The following TCF7L1 variants were observed in gnomAD, a reference collection of about 807,000 sequenced individuals.
TCF7L1 encodes the protein transcription factor 7 like 1.
TCF7L1 carries 18 observed loss-of-function variants against 63.7 expected under a neutral mutation model. That is an observed-to-expected ratio of 0.28 (90% CI 0.20 to 0.42). The LOEUF is 0.42. Ranked by LOEUF, TCF7L1 falls within the 10% of genes least tolerant of loss-of-function variation. TCF7L1 has a pLI of 1.00. For missense variants in TCF7L1, 654 were observed against 779.3 expected (o/e 0.84, Z 1.91); for synonymous variants, 355 against 340.9 (o/e 1.04, Z -0.46).
At chr2:85,227,276 T>G (rs1679980077) in intron 3 of TCF7L1, among the ~76,000 whole-genome samples, 1 of 152,188 alleles carries the variant, frequency 6.6e-6, no homozygotes, top group African/African-American at 2.4e-5. Context: ...AAACCCCCTC[T>G]GAACTCAACT....
At chr2:85,204,333 C>T (rs1188538771) in intron 3 of TCF7L1, among the ~76,000 whole-genome samples, 3 of 113,412 alleles carry the variant, frequency 2.6e-5, no homozygotes, top group African/African-American at 6.8e-5. Context: ...AGAGACCTTT[C>T]GATGTCAGTA....
chr2:85,135,602 T>G (rs1223707631), intron 3 of TCF7L1, among the ~76,000 whole-genome samples: 1 of 151,660 alleles, frequency 6.6e-6, no homozygotes, highest in Non-Finnish European at 1.5e-5. Context: ...GAATGGCCAT[T>G]CCTGCTGTCA....
At chr2:85,255,779 C>T (rs553262307) in intron 3 of TCF7L1, among the ~76,000 whole-genome samples, 33 of 152,250 alleles carry the variant, frequency 2.2e-4, no homozygotes, top group East Asian at 1.4e-3. Context: ...TCTGGTCCCA[C>T]GTGGGGCAGG....
intron 3 of TCF7L1, among the ~76,000 whole-genome samples, chr2:85,142,418 CA>C (rs1172990877): frequency 6.8e-5 from 6 of 88,014 alleles, no homozygotes; most frequent in African/African-American, 1.6e-4. Context: ...ACCCTGTTTC[CA>C]AAAAAAAAAA....
At chr2:85,246,015 C>T (rs1470769879) in intron 3 of TCF7L1, among the ~76,000 whole-genome samples, 2 of 152,134 alleles carry the variant, frequency 1.3e-5, no homozygotes, top group Non-Finnish European at 2.9e-5. Context: ...AGGTGTCCCC[C>T]ATGAATGTGG....
At chr2:85,147,192 A>C (rs2248068) in intron 3 of TCF7L1, among the ~76,000 whole-genome samples, 84,675 of 151,998 alleles carry the variant, frequency 0.56, 24,034 homozygotes, top group East Asian at 0.85. Context: ...CTGTAGTCTC[A>C]CATCTGGAAA....
At chr2:85,222,364 C>CAA (rs1217020917) in intron 3 of TCF7L1, among the ~76,000 whole-genome samples, 68 of 105,984 alleles carry the variant, frequency 6.4e-4, no homozygotes, top group African/African-American at 2.0e-3. Flanking sequence ...AACAAACAAA[C>CAA]AAAAAAAAAA....
chr2:85,157,430 G>A (rs938018766), intron 3 of TCF7L1, among the ~76,000 whole-genome samples: 48 of 152,310 alleles, frequency 3.2e-4, no homozygotes, highest in African/African-American at 1.1e-3. Context: ...TTACTCAAGA[G>A]GAAATCAAGG....
At chr2:85,308,267 G>T (rs190366035) in intron 11 of TCF7L1, among the ~76,000 whole-genome samples, 1 of 149,928 alleles carries the variant, frequency 6.7e-6, no homozygotes, top group Non-Finnish European at 1.5e-5. Flanking sequence ...TTTAGGTCAC[G>T]CCCCCCATCT....
chr2:85,301,603 T>A (rs938912168), intron 4 of TCF7L1, among the ~76,000 whole-genome samples: 1 of 152,218 alleles, frequency 6.6e-6, no homozygotes, highest in South Asian at 2.1e-4. Flanking sequence ...ATAATGGTGC[T>A]CCTTCCATTT....
intron 3 of TCF7L1, among the ~76,000 whole-genome samples, chr2:85,270,523 A>G (rs982083648): frequency 5.9e-5 from 9 of 152,176 alleles, no homozygotes; most frequent in Admixed American, 5.9e-4. Flanking sequence ...GTCAGTTTTA[A>G]TCAACTGTTA....
intron 3 of TCF7L1, among the ~76,000 whole-genome samples, chr2:85,138,111 CTG>C (rs1327848338): frequency 2.0e-5 from 3 of 152,102 alleles, no homozygotes; most frequent in Admixed American, 6.6e-5. Context: ...CTGAGGGAGT[CTG>C]TGGTTTTTGT....
Position 85,223,486 on chromosome 2 carries a change from G to A in TCF7L1, c.442-60009G>A, listed in dbSNP as rs146840206. ...CCACAGCCAAGGGGGGTTAGAGGGAGGGGCCGGCAAGGGTAGGGAATAAGG... is the reference window on the plus strand; with the variant it reads ...CCACAGCCAAGGGGGGTTAGAGGGAAGGGCCGGCAAGGGTAGGGAATAAGG... On this transcript the variant is annotated intron_variant, in intron 3 of 11. Transcript: ENST00000282111. Among the ~76,000 whole-genome samples, 678 of 152,314 alleles carry A rather than the reference G, an allele frequency of 4.5e-3. 4 individuals carry two copies. Among genetic ancestry groups the A allele is most frequent in the African/African-American group, 0.015 (606 of 41,570 alleles).
chr2:85,227,257 T>G (rs1572999937), intron 3 of TCF7L1, among the ~76,000 whole-genome samples: 1 of 152,300 alleles, frequency 6.6e-6, no homozygotes, highest in African/African-American at 2.4e-5. Context: ...CTGCTCTGCT[T>G]ACACTGTCAA....
chr2:85,298,291 G>A (rs1171382005), intron 4 of TCF7L1, among the ~76,000 whole-genome samples: 1 of 151,328 alleles, frequency 6.6e-6, no homozygotes. Flanking sequence ...GAGAGATCGA[G>A]ACCATCCTGG....
chr2:85,216,425 G>A (rs1458060289), intron 3 of TCF7L1, among the ~76,000 whole-genome samples: 1 of 152,168 alleles, frequency 6.6e-6, no homozygotes. Flanking sequence ...GCCCTGCTGT[G>A]CTTGGAGTTT....
chr2:85,179,552 A>G (rs1336886788), intron 3 of TCF7L1, among the ~76,000 whole-genome samples: 1 of 152,144 alleles, frequency 6.6e-6, no homozygotes, highest in Non-Finnish European at 1.5e-5. Flanking sequence ...AATCCACTAC[A>G]TGTGGTAGAG....
intron 3 of TCF7L1, chr2:85,262,357 A>T (rs1053919299): frequency 6.6e-6 from 3 of 454,672 alleles, no homozygotes; most frequent in Non-Finnish European, 8.8e-6. Flanking sequence ...TGCCTCTGAG[A>T]GCAACTTCCA....
At chr2:85,150,820 A>G (rs1296402678) in intron 3 of TCF7L1, among the ~76,000 whole-genome samples, 4 of 152,188 alleles carry the variant, frequency 2.6e-5, no homozygotes, top group Admixed American at 6.5e-5. Context: ...CTTTGAGACT[A>G]TGTAAATATC....
Sources: allele counts gnomAD v4.1 joint callset (sites outside exome capture counted in the v4.1 genomes callset), GRCh38; gene constraint gnomAD v4.1.1; transcripts MANE v1.5; gene names NCBI Gene and HGNC (gene_info 2026-07-23, HGNC 2026-07-21).